The following LRP1B variants were observed in gnomAD, a reference collection of about 807,000 sequenced individuals.
The protein encoded by LRP1B is low-density lipoprotein receptor-related protein 1B.
A neutral mutation model predicts 556.6 loss-of-function variants in LRP1B; 217 were observed. The ratio of observed to expected loss-of-function variants is 0.39; its 90% CI spans 0.35 to 0.44. The LOEUF (loss-of-function observed/expected upper bound fraction) is 0.44, where lower values mean the gene tolerates loss of function less well. Ranked by LOEUF, LRP1B falls within the 20% of genes least tolerant of loss-of-function variation. The probability of loss-of-function intolerance (pLI) is 1.00; values close to 1 mark genes in which losing one functional copy is unlikely to be tolerated. For synonymous variants in LRP1B, 2,047 were observed against 1,865.8 expected, an observed-to-expected ratio of 1.10 and a Z score of -2.50; for missense variants, 5,053 against 5,620.8, an observed-to-expected ratio of 0.90 and a Z score of 3.23.
intron 11 of LRP1B, among the ~76,000 whole-genome samples, chr2:141,042,930 G>A (rs1204232454): frequency 6.7e-6 from 1 of 149,478 alleles, no homozygotes; most frequent in Non-Finnish European, 1.5e-5. Flanking sequence ...CACCGTTGGG[G>A]ACTGTAATCC....
chr2:141,425,970 G>A (rs1309873376), intron 3 of LRP1B, among the ~76,000 whole-genome samples: 1 of 150,160 alleles, frequency 6.7e-6, no homozygotes, highest in Non-Finnish European at 1.5e-5. Flanking sequence ...ATTGCTTTTG[G>A]TGTTTTAGAC....
chr2:141,393,461 AT>A (rs1690128674), intron 3 of LRP1B, among the ~76,000 whole-genome samples: 1 of 152,100 alleles, frequency 6.6e-6, no homozygotes, highest in African/African-American at 2.4e-5. Flanking sequence ...CCCAGTGAAA[AT>A]TTCCCATACA....
chr2:141,216,411 T>C (rs755962331), intron 6 of LRP1B, among the ~76,000 whole-genome samples: 10 of 152,106 alleles, frequency 6.6e-5, no homozygotes, highest in Non-Finnish European at 1.5e-4. Context: ...GATGCAGAAG[T>C]GGAGGCTGCA....
chr2:140,421,465 C>A (rs1308351586), intron 66 of LRP1B, among the ~76,000 whole-genome samples: 1 of 151,870 alleles, frequency 6.6e-6, no homozygotes, highest in Non-Finnish European at 1.5e-5. Flanking sequence ...TTTTTTCTTG[C>A]CGACTCTAAT....
At chr2:141,765,461 G>A (rs1366619298) in intron 2 of LRP1B, among the ~76,000 whole-genome samples, 1 of 151,498 alleles carries the variant, frequency 6.6e-6, no homozygotes, top group Non-Finnish European at 1.5e-5. Flanking sequence ...GCTTAATTGA[G>A]GCCAGATTGC....
Position 140,966,955 on chromosome 2 carries a change from A to G in LRP1B, c.2888-15015T>C, listed in dbSNP as rs575040455. Among the ~76,000 whole-genome samples, 42 of 152,224 alleles carry G rather than the reference A, an allele frequency of 2.8e-4. No individual in the cohort carries two copies. In the South Asian group the frequency reaches 8.7e-3, roughly 32 times the overall value. ...GTTTTGGTTACTGTAGACTTGTAGT[A>G]TAGTTTGAAGTCAGGTAGAGTGATG... On this transcript the variant is annotated intron_variant, in intron 18 of 90. Transcript: ENST00000389484.
chr2:141,756,944 TATACACAC>T (rs1397845309), intron 2 of LRP1B, among the ~76,000 whole-genome samples: 1 of 152,164 alleles, frequency 6.6e-6, no homozygotes, highest in Non-Finnish European at 1.5e-5. Flanking sequence ...AATATATATC[TATACACAC>T]ATACACATAT....
At chr2:141,809,375 A>AT (rs1011411828) in intron 2 of LRP1B, among the ~76,000 whole-genome samples, 33 of 151,620 alleles carry the variant, frequency 2.2e-4, no homozygotes, top group East Asian at 9.7e-4. Context: ...ATGAAGACGG[A>AT]TTTTTTTTTC....
At chr2:141,012,166 A>G in intron 14 of LRP1B, among the ~76,000 whole-genome samples, 1 of 152,046 alleles carries the variant, frequency 6.6e-6, no homozygotes, top group East Asian at 1.9e-4. Context: ...CACACGTTGC[A>G]TTTAGTTAAA....
chr2:141,047,356 T>A (rs1698905198), intron 11 of LRP1B, among the ~76,000 whole-genome samples: 1 of 152,100 alleles, frequency 6.6e-6, no homozygotes, highest in Non-Finnish European at 1.5e-5. Flanking sequence ...TATTTTAGCA[T>A]AGAAAGTATA....
chr2:141,202,189 T>C (rs1343996321), intron 6 of LRP1B, among the ~76,000 whole-genome samples: 2 of 150,042 alleles, frequency 1.3e-5, no homozygotes, highest in African/African-American at 2.4e-5. Context: ...AGCTCCCACT[T>C]GTGACTGAGA....
intron 1 of LRP1B, among the ~76,000 whole-genome samples, chr2:141,836,367 C>T (rs1574412942): frequency 6.6e-6 from 1 of 152,056 alleles, no homozygotes; most frequent in East Asian, 1.9e-4. Flanking sequence ...TTTGCTTTTC[C>T]ACCATATAAA....
chr2:141,689,155 G>T (rs549776133), intron 2 of LRP1B, among the ~76,000 whole-genome samples: 2 of 151,952 alleles, frequency 1.3e-5, no homozygotes, highest in South Asian at 4.1e-4. Flanking sequence ...CTTTGTCTTT[G>T]AAGTCATATT....
chr2:141,075,983 T>G (rs1286759726), intron 7 of LRP1B, among the ~76,000 whole-genome samples: 7 of 152,236 alleles, frequency 4.6e-5, no homozygotes, highest in Non-Finnish European at 5.9e-5. Context: ...ATCATAGGAT[T>G]ATACAGATTA....
chr2:141,110,843 A>C (rs1700732743), intron 7 of LRP1B, among the ~76,000 whole-genome samples: 1 of 152,166 alleles, frequency 6.6e-6, no homozygotes, highest in African/African-American at 2.4e-5. Flanking sequence ...GCTTATTTTG[A>C]TGTCTGTTGA....
intron 2 of LRP1B, among the ~76,000 whole-genome samples, chr2:141,525,258 GAAGA>G (rs1313112085): frequency 6.6e-6 from 1 of 152,066 alleles, no homozygotes; most frequent in Admixed American, 6.6e-5. Flanking sequence ...AACCTGGAGA[GAAGA>G]TAGAGGATTT....
chr2:140,938,370 GAGAC>G (rs1348139917), intron 20 of LRP1B, among the ~76,000 whole-genome samples: 1 of 152,024 alleles, frequency 6.6e-6, no homozygotes, highest in Non-Finnish European at 1.5e-5. Context: ...AAAAAAGACA[GAGAC>G]AGACAGACTT....
rs537441575 is a variant in LRP1B, at chr2:140,246,163, GTC to G, written c.13324+921_13324+922del. 2.9e-4 allele frequency among the ~76,000 whole-genome samples: 44 copies of G among 151,316 alleles called. No individual in the cohort carries two copies. The South Asian group carries it at 8.9e-3, about 31-fold the overall frequency. The stretch of plus-strand genomic sequence containing the variant: ...AAATGTTATATTTTATACTTTAATA[GTC>G]TCTCTCCTTTTTCACTAACTCTGAA... On this transcript the variant is annotated intron_variant, in intron 87 of 90. Coordinates refer to ENST00000389484, the MANE Select transcript of LRP1B (RefSeq NM_018557.3).
intron 57 of LRP1B, among the ~76,000 whole-genome samples, chr2:140,490,271 A>C (rs184995973): frequency 8.7e-4 from 133 of 152,240 alleles, no homozygotes; most frequent in African/African-American, 3.2e-3. Context: ...TTGGAAAGGT[A>C]CTTGATTAAT....
Sources: allele counts gnomAD v4.1 joint callset (sites outside exome capture counted in the v4.1 genomes callset), GRCh38; gene constraint gnomAD v4.1.1; transcripts MANE v1.5; gene names NCBI Gene and HGNC (gene_info 2026-07-23, HGNC 2026-07-21).